KMT2E: variants seen among roughly 807,000 people sequenced by gnomAD.
The protein encoded by KMT2E is lysine methyltransferase 2E (inactive).
KMT2E carries 30 observed loss-of-function variants against 184.6 expected under a neutral mutation model. That is an observed-to-expected ratio of 0.16 (90% CI 0.12 to 0.22). The LOEUF is 0.22. Among genes scored for constraint, KMT2E ranks in the 10% least tolerant of loss-of-function variants. The pLI, the probability that KMT2E is intolerant of heterozygous loss-of-function variation, is 1.00. For missense variants in KMT2E, 2,023 were observed against 2,237.4 expected (o/e 0.90, Z 1.93); for synonymous variants, 815 against 776.5 (o/e 1.05, Z -0.82).
intron 1 of KMT2E, among the ~76,000 whole-genome samples, chr7:105,036,803 A>G (rs569987071): frequency 6.6e-6 from 1 of 152,282 alleles, no homozygotes; most frequent in East Asian, 1.9e-4. Flanking sequence ...TTTATATTTT[A>G]TAGTTTTTTA....
rs767424145 is a variant in KMT2E, at chr7:105,063,584, A to G, written c.416+4A>G. Reference sequence around the variant, plus strand: ...TGATCTGTTGTGACAAATGCAGGTAAAATATTTTACACCATTATTTTATTT... The same window carrying G: ...TGATCTGTTGTGACAAATGCAGGTAGAATATTTTACACCATTATTTTATTT... On this transcript the variant is annotated splice_donor_region_variant and intron_variant, in intron 5 of 26. Coordinates refer to ENST00000311117, the MANE Select transcript of KMT2E (RefSeq NM_182931.3). 6.5e-7 allele frequency: 1 copy of G among 1,543,596 alleles called. No homozygotes were observed. The highest frequency in any genetic ancestry group is 8.8e-7 in the Non-Finnish European group (1 of 1,134,046).
At chr7:105,064,164 G>GT (rs66946883) in intron 5 of KMT2E, 7,737 of 75,988 alleles carry the variant, frequency 0.1, 990 homozygotes, top group African/African-American at 0.12. Flanking sequence ...TTTTTTCTTG[G>GT]TTTTTTTTTT....
intron 1 of KMT2E, among the ~76,000 whole-genome samples, chr7:105,031,401 A>G (rs1274497977): frequency 4.4e-4 from 66 of 148,604 alleles, no homozygotes; most frequent in Non-Finnish European, 1.3e-4. Context: ...AGAATGACAG[A>G]ATAAAATAAT....
At chr7:105,061,122 C>T (rs1796797957) in intron 3 of KMT2E, among the ~76,000 whole-genome samples, 1 of 151,974 alleles carries the variant, frequency 6.6e-6, no homozygotes, top group Non-Finnish European at 1.5e-5. Flanking sequence ...ACAACAGCAG[C>T]CACTGAGAGC....
intron 4 of KMT2E, 57 bp downstream of exon 4, chr7:105,062,335 A>G: frequency 1.8e-6 from 2 of 1,134,848 alleles, no homozygotes; most frequent in Non-Finnish European, 2.6e-6. Flanking sequence ...TTGAAAGTAG[A>G]TGCATGTGAT....
chr7:105,064,980 C>T (rs1230749208), intron 5 of KMT2E, among the ~76,000 whole-genome samples: 5 of 152,068 alleles, frequency 3.3e-5, no homozygotes, highest in African/African-American at 1.2e-4. Flanking sequence ...ATACAGTTAT[C>T]TCTATTAGAG....
Position 105,105,564 on chromosome 7 carries a change from A to C in KMT2E, c.2322A>C (p.Leu774Phe). ...PEVLATQLNS[L>F]PGLTYSPHVY... ...TGTTAGCTACACAACTCAATTCTTTACCAGGTCTCACTTACAGCCCCCATG... is the reference window on the plus strand; with the variant it reads ...TGTTAGCTACACAACTCAATTCTTTCCCAGGTCTCACTTACAGCCCCCATG... Residue 774 changes from leucine (L) to phenylalanine (F), a missense_variant, in exon 18 of 27, where the codon TTA becomes TTC. Physicochemically the swap from Leu to Phe is conservative, Grantham distance 22 (BLOSUM62 0). Around this residue, in one of 8 missense-constraint regions of KMT2E, gnomAD observed 514 missense variants for 621.8 expected, o/e 0.83. Coordinates refer to ENST00000311117, the MANE Select transcript of KMT2E (RefSeq NM_182931.3). 6.2e-7 allele frequency: 1 copy of C among 1,614,106 alleles called. No homozygotes were observed. The highest frequency in any genetic ancestry group is 1.1e-5 in the South Asian group (1 of 91,082).
rs540897891 is a variant in KMT2E at position 105,052,805 on chromosome 7, C to T, written c.72-9359C>T. ...ATGTTCGCCAGACTGGTCTCGAACA[C>T]CCGACCTCAGGTGATCTGCCCACCT... On this transcript the variant is annotated intron_variant, in intron 3 of 26. Coordinates refer to ENST00000311117, the MANE Select transcript of KMT2E (RefSeq NM_182931.3). 5.9e-5 allele frequency among the ~76,000 whole-genome samples: 9 copies of T among 151,974 alleles called. No individual in the cohort carries two copies. The South Asian group carries it at 1.9e-3, about 32-fold the overall frequency.
intron 3 of KMT2E, among the ~76,000 whole-genome samples, chr7:105,054,450 G>C (rs1003395613): frequency 2.4e-4 from 16 of 66,746 alleles, no homozygotes; most frequent in Non-Finnish European, 4.3e-4. Context: ...AAGTTGCTCT[G>C]TCTGTCTGTC....
At chr7:105,101,356 A>G (rs1186527610) in intron 15 of KMT2E, 69 bp from the exon 16 acceptor site, 1 of 1,086,806 alleles carries the variant, frequency 9.2e-7, no homozygotes, top group South Asian at 2.1e-5. Context: ...ATTTATCACA[A>G]ACATTTGGAC....
At chr7:105,099,431 G>T (rs1296661342) in intron 15 of KMT2E, among the ~76,000 whole-genome samples, 1 of 152,188 alleles carries the variant, frequency 6.6e-6, no homozygotes. Flanking sequence ...AACTCTAGAA[G>T]ATTATGAACC....
intron 26 of KMT2E, 144 bp downstream of exon 26, chr7:105,111,012 T>C (rs1455775830): frequency 1.6e-6 from 1 of 629,360 alleles, no homozygotes; most frequent in Non-Finnish European, 2.8e-6. Flanking sequence ...AAATACTCAA[T>C]TGTGTTTACT....
chr7:105,033,948 A>G (rs771370179), intron 1 of KMT2E, among the ~76,000 whole-genome samples: 2 of 152,210 alleles, frequency 1.3e-5, no homozygotes, highest in Non-Finnish European at 2.9e-5. Context: ...ACAACCCACT[A>G]TCTCAGGAAC....
intron 1 of KMT2E, among the ~76,000 whole-genome samples, chr7:105,036,740 C>A (rs1461905285): frequency 6.6e-6 from 1 of 152,162 alleles, no homozygotes; most frequent in Non-Finnish European, 1.5e-5. Flanking sequence ...AGAGCACTAT[C>A]TGGTAGTAAT....
chr7:105,038,287 T>C (rs1356525109), intron 2 of KMT2E, 88 bp downstream of exon 2: 1 of 152,214 alleles, frequency 6.6e-6, no homozygotes, highest in Non-Finnish European at 1.5e-5. Flanking sequence ...GGATGACCAG[T>C]TTTTTGATTC....
At position 105,053,769 on chromosome 7, in the gene KMT2E, G is replaced by T. The variant is rs1231759013; in HGVS notation, c.72-8395G>T. Among the ~76,000 whole-genome samples, 4 of 152,240 alleles carry T rather than the reference G, an allele frequency of 2.6e-5. No individual in the cohort carries two copies. In the South Asian group the frequency reaches 6.2e-4, roughly 24 times the overall value. The stretch of plus-strand genomic sequence containing the variant: ...TGGCTCATGACTGTAATCTACTCAG[G>T]AGGCTGACATGGGAGGATCACTCAA... On this transcript the variant is annotated intron_variant, in intron 3 of 26. Transcript: ENST00000311117.
Position 105,112,399 on chromosome 7 carries a change from C to T in KMT2E, c.4643C>T (p.Pro1548Leu), listed in dbSNP as rs768830378. The T allele has an allele frequency of 6.2e-7, 1 of 1,612,550 alleles. No homozygotes were observed. ...AACAGCACGGCACCACCCCCTCCACCTCCTCCACCTCCTTCTTCGTCTTAC... is the reference window on the plus strand; with the variant it reads ...AACAGCACGGCACCACCCCCTCCACTTCCTCCACCTCCTTCTTCGTCTTAC... Reference protein sequence around the residue: ...SLNSTAPPPPPPPPPSSSYYQ... With the variant: ...SLNSTAPPPPLPPPPSSSYYQ... The change falls in exon 27 of 27, where the codon CCT (proline) becomes CTT (leucine). Residue 1548 changes from proline to leucine, a missense_variant. By Grantham distance (98) the Pro-to-Leu change is moderately conservative. Around this residue, in one of 8 missense-constraint regions of KMT2E, gnomAD observed 1,108 missense variants for 1,050.9 expected, o/e 1.05. Transcript: ENST00000311117.
At position 105,113,250 on chromosome 7, in the gene KMT2E, C is replaced by G; in HGVS notation, c.5494C>G (p.Pro1832Ala). 5.0e-6 allele frequency: 8 copies of G among 1,614,204 alleles called. No homozygotes were observed. Among genetic ancestry groups the G allele is most frequent in the Non-Finnish European group, 6.8e-6 (8 of 1,180,030 alleles). The change falls in exon 27 of 27, where the codon CCA becomes GCA. Residue 1832 changes from proline (P) to alanine (A), a missense_variant. Pro to Ala is a conservative substitution (Grantham distance 27). Coordinates refer to ENST00000311117, the MANE Select transcript of KMT2E (RefSeq NM_182931.3). ...GGTTCAAGGACCTCAGCAGGCATCTCCAGTGCCTGGACAGATTCCAATTCA... is the reference window on the plus strand; with the variant it reads ...GGTTCAAGGACCTCAGCAGGCATCTGCAGTGCCTGGACAGATTCCAATTCA... Reference protein sequence around the residue: ...HGVQGPQQASPVPGQIPIHRA... With the variant: ...HGVQGPQQASAVPGQIPIHRA...
chr7:105,054,148 G>C (rs773294721), intron 3 of KMT2E, among the ~76,000 whole-genome samples: 1 of 151,786 alleles, frequency 6.6e-6, no homozygotes, highest in Non-Finnish European at 1.5e-5. Context: ...TCCAGCCTGG[G>C]TGACAGAGCA....
Sources: allele counts gnomAD v4.1 joint callset (sites outside exome capture counted in the v4.1 genomes callset), GRCh38; gene constraint gnomAD v4.1.1; regional missense constraint gnomAD v4.1.1; transcripts MANE v1.5; gene names NCBI Gene and HGNC (gene_info 2026-07-23, HGNC 2026-07-21).